Variants in EFCAB6 observed in about 807,000 individuals in gnomAD.
EFCAB6 encodes the protein EF-hand calcium binding domain 6.
In EFCAB6, 156 loss-of-function variants were observed where a neutral mutation model predicts 169.8. The observed-to-expected ratio is 0.92, with a 90% CI of 0.81 to 1.05. The LOEUF (loss-of-function observed/expected upper bound fraction) is 1.05. EFCAB6 is among the 50% of genes least tolerant of loss of function. The probability of loss-of-function intolerance (pLI) is 0.00; values close to 1 mark genes in which losing one functional copy is unlikely to be tolerated. For missense variants in EFCAB6, 1,800 were observed against 1,829.1 expected (o/e 0.98, Z 0.29); for synonymous variants, 698 against 676.4 (o/e 1.03, Z -0.50).
intron 15 of EFCAB6, 149 bp from the exon 16 acceptor site, chr22:43,669,194 A>T (rs1270191608): frequency 4.8e-6 from 3 of 619,586 alleles, no homozygotes; most frequent in African/African-American, 1.9e-5. Flanking sequence ...CTCCATTCTT[A>T]GGCATTTACC....
At chr22:43,577,825 C>T (rs903028837) in intron 25 of EFCAB6, among the ~76,000 whole-genome samples, 1 of 148,236 alleles carries the variant, frequency 6.7e-6, no homozygotes, top group African/African-American at 2.5e-5. Context: ...CACACCGCAC[C>T]GGGACTCCGG....
chr22:43,579,742 A>G (rs1360471719), intron 25 of EFCAB6, among the ~76,000 whole-genome samples: 1 of 150,446 alleles, frequency 6.6e-6, no homozygotes, highest in African/African-American at 2.5e-5. Flanking sequence ...ATCATTCCCT[A>G]CACACAGGCA....
At chr22:43,717,131 A>G (rs1450782794) in intron 8 of EFCAB6, among the ~76,000 whole-genome samples, 159 bp from the exon 9 acceptor site, 1 of 152,302 alleles carries the variant, frequency 6.6e-6, no homozygotes, top group East Asian at 1.9e-4. Context: ...ATAACTGGCT[A>G]AACATTTTGG....
intron 6 of EFCAB6, among the ~76,000 whole-genome samples, chr22:43,748,269 A>G (rs2060633857): frequency 6.6e-6 from 1 of 152,228 alleles, no homozygotes; most frequent in Non-Finnish European, 1.5e-5. Context: ...CCCATGCCGA[A>G]GGGTTAAAAC....
At chr22:43,731,875 T>A in intron 7 of EFCAB6, 64 bp from the exon 8 acceptor site, 5 of 988,228 alleles carry the variant, frequency 5.1e-6, no homozygotes, top group Non-Finnish European at 1.4e-6. Flanking sequence ...AGTTTGTTAC[T>A]AAGGTATCCT....
At chr22:43,773,799 A>G (rs2061553691) in intron 3 of EFCAB6, among the ~76,000 whole-genome samples, 1 of 152,256 alleles carries the variant, frequency 6.6e-6, no homozygotes, top group Admixed American at 6.5e-5. Flanking sequence ...GTGAGCTGGC[A>G]TCGTGCCATT....
chr22:43,764,221 TTGTCTGCTG>T (rs1406915947), intron 5 of EFCAB6, among the ~76,000 whole-genome samples: 5 of 151,546 alleles, frequency 3.3e-5, no homozygotes, highest in Non-Finnish European at 4.4e-5. Flanking sequence ...CCCCCTCTAG[TTGTCTGCTG>T]TGTCTGCTGT....
chr22:43,782,917 C>T (rs535201418), intron 2 of EFCAB6, among the ~76,000 whole-genome samples: 3 of 152,042 alleles, frequency 2.0e-5, no homozygotes, highest in Admixed American at 2.0e-4. Flanking sequence ...TAACTTGCCT[C>T]ATTCCCATTC....
At chr22:43,635,265 G>T in intron 17 of EFCAB6, 49 bp from the exon 18 acceptor site, 1 of 1,348,300 alleles carries the variant, frequency 7.4e-7, no homozygotes. Flanking sequence ...TGGTCCGCGG[G>T]TCACTACTCC....
rs750245443 is a variant in EFCAB6 at position 43,590,225 on chromosome 22, T to C, written c.2881A>G (p.Lys961Glu). The C allele has an allele frequency of 8.7e-6, 14 of 1,613,292 alleles. No individual in the cohort carries two copies. In the South Asian group the frequency reaches 1.4e-4, roughly 16 times the overall value. Residue 961 changes from lysine to glutamate, a missense_variant, in exon 24 of 32, where the codon AAG becomes GAG. Lys to Glu is a moderately conservative substitution (Grantham distance 56). Transcript: ENST00000262726. Reference sequence around the variant, plus strand: ...ATATCTTGATGGCGGTCCATAAGCTTATCCCTGAAAGAGAGTACATTGCAG... The same window carrying C: ...ATATCTTGATGGCGGTCCATAAGCTCATCCCTGAAAGAGAGTACATTGCAG... ...STEKAVAARD[K>E]LMDRHQDISK...
chr22:43,615,978 C>T, intron 20 of EFCAB6, 56 bp from the exon 21 acceptor site: 1 of 1,436,462 alleles, frequency 7.0e-7, no homozygotes. Context: ...GCTCATTAAT[C>T]TCCCAAGGGG....
intron 18 of EFCAB6, among the ~76,000 whole-genome samples, chr22:43,632,506 G>A (rs1291646553): frequency 6.6e-6 from 1 of 151,940 alleles, no homozygotes; most frequent in African/African-American, 2.4e-5. Flanking sequence ...CATCATGTTG[G>A]CCAGGCTGGT....
chr22:43,662,159 AAATAATAATAATAATAAT>A (rs55680208), intron 17 of EFCAB6, among the ~76,000 whole-genome samples: 33 of 137,174 alleles, frequency 2.4e-4, no homozygotes, highest in East Asian at 1.7e-3. Context: ...CTCCATTTCA[AAATAATAATAATAATAAT>A]AATAATAATA....
At chr22:43,673,078 C>G (rs1009730746) in intron 13 of EFCAB6, among the ~76,000 whole-genome samples, 4 of 152,142 alleles carry the variant, frequency 2.6e-5, no homozygotes, top group Non-Finnish European at 5.9e-5. Context: ...GGAGTGTAAA[C>G]TGATCTAACT....
chr22:43,575,599 T>C (rs2050200713), intron 26 of EFCAB6, among the ~76,000 whole-genome samples: 1 of 152,038 alleles, frequency 6.6e-6, no homozygotes, highest in South Asian at 2.1e-4. Context: ...AGATACAACA[T>C]TCAATATAAT....
At position 43,727,613 on chromosome 22, in the gene EFCAB6, A is replaced by T. The variant is rs118083949; in HGVS notation, c.757+4086T>A. 5.7e-3 allele frequency among the ~76,000 whole-genome samples: 866 copies of T among 152,340 alleles called. 22 individuals carry two copies. In the East Asian group the frequency reaches 0.08, roughly 14 times the overall value. ...TAAAAGTACAATGCAGGGCAGCAAT[A>T]TAACAAAGGATAGGAGAGAAGAACT... On this transcript the variant is annotated intron_variant, in intron 8 of 31. Coordinates refer to ENST00000262726, the MANE Select transcript of EFCAB6 (RefSeq NM_022785.4).
At chr22:43,577,072 G>A (rs552661597) in intron 25 of EFCAB6, among the ~76,000 whole-genome samples, 2 of 152,210 alleles carry the variant, frequency 1.3e-5, no homozygotes, top group East Asian at 1.9e-4. Flanking sequence ...CCTGAGTCTC[G>A]GCCAGAGCCC....
chr22:43,694,665 A>C (rs1266732604), intron 10 of EFCAB6, among the ~76,000 whole-genome samples: 2 of 152,082 alleles, frequency 1.3e-5, no homozygotes, highest in East Asian at 3.8e-4. Flanking sequence ...TTGAAAATCA[A>C]GCAATGTAAC....
rs1214853944 is a variant in EFCAB6 at position 43,537,243 on chromosome 22, C to A, written c.4048+134G>T. The A allele has an allele frequency of 1.7e-6, 2 of 1,153,450 alleles. No homozygotes were observed. The highest frequency in any genetic ancestry group is 2.5e-6 in the Non-Finnish European group (2 of 808,730). 71.5% of individuals were successfully genotyped at this position (1,153,450 alleles called of 1,614,324 possible). A position where few individuals can be genotyped will look rare whatever the true frequency, so the allele number is the denominator to read the frequency against. ...TTGTATAGTAAGCTGCACAGCCCAC[C>A]CAGAAGTTCCCACCAGTTTCCTGTT... On this transcript the variant is annotated intron_variant, in intron 29 of 31. Transcript: ENST00000262726. This position sits in a 1 kb window ranked among gnomAD's most constrained non-coding sequence, Gnocchi z 4.3.
Sources: gnomAD v4.1 joint callset for allele counts (sites outside exome capture counted in the v4.1 genomes callset) on GRCh38, gnomAD v4.1.1 for gene constraint, Gnocchi (gnomAD v3.1) non-coding constraint, MANE v1.5 for transcripts, NCBI Gene and HGNC (gene_info 2026-07-23, HGNC 2026-07-21) for gene names.